Variants in CDH12 observed in about 807,000 individuals in gnomAD.
CDH12 encodes cadherin 12.
CDH12 carries 41 observed loss-of-function variants against 74.1 expected under a neutral mutation model. The observed-to-expected ratio is 0.55, with a 90% confidence interval of 0.43 to 0.72. The LOEUF (loss-of-function observed/expected upper bound fraction) is 0.72. Among genes scored for constraint, CDH12 ranks in the 30% least tolerant of loss-of-function variants. The pLI is 0.00. For synonymous variants in CDH12, 399 were observed against 355.0 expected, an observed-to-expected ratio of 1.12 and a Z score of -1.39; for missense variants, 945 against 977.2, an observed-to-expected ratio of 0.97 and a Z score of 0.44.
intron 1 of CDH12, among the ~76,000 whole-genome samples, chr5:22,627,848 C>T (rs1359260069): frequency 6.6e-6 from 1 of 151,966 alleles, no homozygotes; most frequent in African/African-American, 2.4e-5. Flanking sequence ...ACCCATCTCA[C>T]ATGCAATTGA....
At chr5:22,171,805 G>T (rs1749046400) in intron 4 of CDH12, among the ~76,000 whole-genome samples, 2 of 151,880 alleles carry the variant, frequency 1.3e-5, no homozygotes, top group East Asian at 1.9e-4. Flanking sequence ...CTTTGCTCAA[G>T]AAAGTGGAAG....
chr5:22,230,471 TA>T (rs1752341928), intron 3 of CDH12, among the ~76,000 whole-genome samples: 2 of 93,820 alleles, frequency 2.1e-5, no homozygotes, highest in African/African-American at 8.0e-5. Context: ...AGAGATGTCA[TA>T]ATTTTTTTTT....
intron 1 of CDH12, among the ~76,000 whole-genome samples, chr5:22,805,553 A>G (rs1464828296): frequency 6.6e-6 from 1 of 152,134 alleles, no homozygotes; most frequent in Non-Finnish European, 1.5e-5. Context: ...GATCCTTATT[A>G]TGTATATTAC....
At chr5:22,488,618 C>T (rs1746707013) in intron 2 of CDH12, among the ~76,000 whole-genome samples, 1 of 152,160 alleles carries the variant, frequency 6.6e-6, no homozygotes, top group Non-Finnish European at 1.5e-5. Context: ...ATCTTCTTTA[C>T]TGGGCTCTCA....
intron 6 of CDH12, among the ~76,000 whole-genome samples, chr5:21,911,211 C>G (rs1010791844): frequency 5.9e-5 from 9 of 152,102 alleles, no homozygotes; most frequent in African/African-American, 2.2e-4. Flanking sequence ...TAGAGAAACA[C>G]TGAGCTTCTC....
At chr5:22,172,422 G>T (rs1287655117) in intron 4 of CDH12, 7 of 151,812 alleles carry the variant, frequency 4.6e-5, no homozygotes. Flanking sequence ...GCAAGAACGA[G>T]AACTCAATCT....
At chr5:22,832,081 A>C (rs1408546054) in intron 1 of CDH12, among the ~76,000 whole-genome samples, 1 of 152,184 alleles carries the variant, frequency 6.6e-6, no homozygotes, top group African/African-American at 2.4e-5. Context: ...CTAGAATAAA[A>C]ATAAAAAAAG....
chr5:22,039,630 A>C (rs977290068), intron 5 of CDH12, among the ~76,000 whole-genome samples: 1 of 152,192 alleles, frequency 6.6e-6, no homozygotes, highest in African/African-American at 2.4e-5. Flanking sequence ...AGTAATTGCC[A>C]CTGAGGACCC....
chr5:21,990,290 G>A (rs894274018), intron 5 of CDH12, among the ~76,000 whole-genome samples: 16 of 152,116 alleles, frequency 1.1e-4, no homozygotes, highest in African/African-American at 3.1e-4. Context: ...TGTTGTTGTC[G>A]TTTGAATTTT....
intron 7 of CDH12, among the ~76,000 whole-genome samples, chr5:21,845,476 T>A (rs919856227): frequency 2.6e-5 from 4 of 151,992 alleles, no homozygotes; most frequent in Non-Finnish European, 5.9e-5. Context: ...TTCTCCAAAC[T>A]TCTTGTCCTC....
chr5:22,666,026 C>T (rs1264999105), intron 1 of CDH12, among the ~76,000 whole-genome samples: 3 of 152,138 alleles, frequency 2.0e-5, no homozygotes, highest in East Asian at 3.9e-4. Context: ...GCATACTTCA[C>T]ATTCCTACTC....
intron 2 of CDH12, among the ~76,000 whole-genome samples, chr5:22,494,235 G>A (rs568990932): frequency 1.3e-4 from 20 of 152,202 alleles, no homozygotes; most frequent in Non-Finnish European, 2.8e-4. Flanking sequence ...ATTGGCGTGG[G>A]TTTTCCCCAA....
At chr5:21,814,701 T>TA (rs1747946265) in intron 9 of CDH12, among the ~76,000 whole-genome samples, 1 of 150,422 alleles carries the variant, frequency 6.6e-6, no homozygotes, top group Non-Finnish European at 1.5e-5. Flanking sequence ...TAGAATTGAA[T>TA]CTTTCGTACC....
chr5:22,702,675 T>C (rs550505588), intron 1 of CDH12, among the ~76,000 whole-genome samples: 63 of 152,122 alleles, frequency 4.1e-4, no homozygotes, highest in African/African-American at 1.5e-3. Flanking sequence ...TCCCATCTAG[T>C]CTATCAAATC....
chr5:22,249,767 T>C (rs1259585541), intron 3 of CDH12, among the ~76,000 whole-genome samples: 1 of 152,216 alleles, frequency 6.6e-6, no homozygotes, highest in East Asian at 1.9e-4. Flanking sequence ...AGGTCGACTT[T>C]TTCTGGAAAG....
chr5:22,763,372 C>T (rs1746323012), intron 1 of CDH12, among the ~76,000 whole-genome samples: 1 of 151,874 alleles, frequency 6.6e-6, no homozygotes, highest in African/African-American at 2.4e-5. Context: ...CTGTTTACCC[C>T]CTTTCATGTG....
intron 1 of CDH12, among the ~76,000 whole-genome samples, chr5:22,521,422 T>C (rs1401034971): frequency 6.7e-6 from 1 of 149,736 alleles, no homozygotes; most frequent in African/African-American, 2.6e-5. Context: ...GTGGAACTTA[T>C]ATTTAGTTAG....
chr5:22,594,546 G>A (rs1369434284), intron 1 of CDH12, among the ~76,000 whole-genome samples: 4 of 152,054 alleles, frequency 2.6e-5, no homozygotes, highest in Non-Finnish European at 4.4e-5. Flanking sequence ...TTGATCCCCA[G>A]CCTTAGGCAT....
At chr5:22,596,409 C>T (rs1335340684) in intron 1 of CDH12, among the ~76,000 whole-genome samples, 1 of 152,078 alleles carries the variant, frequency 6.6e-6, no homozygotes, top group African/African-American at 2.4e-5. Context: ...CCACTGCACT[C>T]CAGCCTGGGC....
Sources: allele counts gnomAD v4.1 joint callset (sites outside exome capture counted in the v4.1 genomes callset), GRCh38; gene constraint gnomAD v4.1.1; transcripts MANE v1.5; gene names NCBI Gene and HGNC (gene_info 2026-07-23, HGNC 2026-07-21).